The following C9orf43 variants were observed in gnomAD, a reference collection of about 807,000 sequenced individuals.
The protein encoded by C9orf43 is uncharacterized protein C9orf43.
A neutral mutation model predicts 59.1 loss-of-function variants in C9orf43; 45 were observed. The ratio of observed to expected loss-of-function variants is 0.76; its 90% CI spans 0.60 to 0.98. The LOEUF (loss-of-function observed/expected upper bound fraction) is 0.98, where lower values mean the gene tolerates loss of function less well. C9orf43 is among the 50% of genes least tolerant of loss of function. C9orf43 has a pLI of 0.00. For missense variants in C9orf43, 533 were observed against 554.9 expected (o/e 0.96, Z 0.40); for synonymous variants, 203 against 196.8 (o/e 1.03, Z -0.26).
chr9:113,423,408 CA>C lies in C9orf43; in HGVS notation c.568del (p.Thr190ProfsTer28). The C allele has an allele frequency of 3.1e-6, 5 of 1,614,164 alleles. No individual in the cohort carries two copies. Among genetic ancestry groups the C allele is most frequent in the Non-Finnish European group, 4.2e-6 (5 of 1,179,990 alleles). On this transcript the variant is annotated frameshift_variant, in exon 7 of 14. Coordinates refer to ENST00000374165, the MANE Select transcript of C9orf43 (RefSeq NM_001278629.2). LOFTEE classifies it high-confidence loss of function. ...ACACCAGGGATGATCGTGCCTCCCCCAACCCCAGTGCAATTGTCTGAACAAT... is the reference window on the plus strand; with the variant it reads ...ACACCAGGGATGATCGTGCCTCCCCCACCCCAGTGCAATTGTCTGAACAAT... ...VGTPGMIVPP[P>X]TPVQLSEQFS...
chr9:113,426,872 G>A (rs893123513), intron 11 of C9orf43, among the ~76,000 whole-genome samples: 2 of 152,192 alleles, frequency 1.3e-5, no homozygotes, highest in African/African-American at 2.4e-5. Flanking sequence ...GTTGAGAAAG[G>A]CTTTATGGAA....
chr9:113,411,105 G>A (rs1235547044), intron 1 of C9orf43, 104 bp downstream of exon 1: 2 of 985,310 alleles, frequency 2.0e-6, no homozygotes, highest in Non-Finnish European at 2.4e-6. Flanking sequence ...AGATGCGCCT[G>A]ATTAGGTCTC....
rs1447220099 is a variant in C9orf43, at chr9:113,429,158, G to A, written c.1172-14G>A. 2 of 1,611,284 alleles carry A rather than the reference G, an allele frequency of 1.2e-6. No homozygotes were observed. The highest frequency in any genetic ancestry group is 1.3e-5 in the African/African-American group (1 of 74,934). On this transcript the variant is annotated splice_polypyrimidine_tract_variant and intron_variant, in intron 13 of 13. Transcript: ENST00000374165. ...GAGTTTACAGGTGCAATTAATGACT[G>A]CATCTTCTTTTAGGTCCTGAATTGT... is the stretch of plus-strand genomic sequence containing the variant.
chr9:113,424,367 A>T, intron 8 of C9orf43, 51 bp downstream of exon 8: 1 of 1,537,906 alleles, frequency 6.5e-7, no homozygotes, highest in Non-Finnish European at 8.8e-7. Flanking sequence ...ATTCAAACCC[A>T]TCTCTCCTCA....
intron 4 of C9orf43, 64 bp from the exon 5 acceptor site, chr9:113,421,039 T>C: frequency 3.9e-6 from 5 of 1,287,776 alleles, no homozygotes; most frequent in Non-Finnish European, 5.6e-6. Flanking sequence ...GCTTAGCATA[T>C]CCTTAATCTG....
chr9:113,411,546 G>A (rs1486914187), intron 1 of C9orf43, among the ~76,000 whole-genome samples: 2 of 152,070 alleles, frequency 1.3e-5, no homozygotes, highest in Non-Finnish European at 2.9e-5. Context: ...TGATCCGCCC[G>A]CCTCGGTCTC....
rs147140033 is a variant in C9orf43 at position 113,429,269 on chromosome 9, C to T, written c.1269C>T (p.Ser423=). The change falls in exon 14 of 14, where the codon TCC becomes TCT. Residue 423 remains serine (S), a synonymous_variant. Coordinates refer to ENST00000374165, the MANE Select transcript of C9orf43 (RefSeq NM_001278629.2). ...EAQAARQKKI[S]FNFSEIMAST... ...AGGCTGCCAGGCAAAAGAAGATCTC[C>T]TTTAACTTTTCAGAAATTATGGCTA... 6.2e-6 allele frequency: 10 copies of T among 1,614,136 alleles called. No individual in the cohort carries two copies. The African/African-American group carries it at 1.1e-4, about 17-fold the overall frequency.
In C9orf43 at chr9:113,425,059, A is replaced by G. The variant is rs774951478; in HGVS notation, c.848A>G (p.His283Arg). ...LRYPERLKKL[H>R]NLKTEGYRKQ... ...TATCCTGAACGTTTGAAGAAATTAC[A>G]TAACCTGAAGACAGAAGGTAGATTT... Residue 283 changes from histidine to arginine, a missense_variant, in exon 9 of 14, where the codon CAT becomes CGT. Physicochemically the swap from His to Arg is conservative, Grantham distance 29. Transcript: ENST00000374165. The G allele has an allele frequency of 9.9e-6, 16 of 1,613,276 alleles. No homozygotes were observed. Among genetic ancestry groups the G allele is most frequent in the South Asian group, 7.7e-5 (7 of 91,090 alleles).
chr9:113,425,776 G>A, intron 11 of C9orf43, 46 bp downstream of exon 11: 1 of 1,467,076 alleles, frequency 6.8e-7, no homozygotes, highest in Non-Finnish European at 9.6e-7. Context: ...ATCCCTGAGG[G>A]GTAGGTATCT....
intron 12 of C9orf43, 104 bp from the exon 13 acceptor site, chr9:113,428,796 C>T (rs1281588826): frequency 2.0e-6 from 2 of 1,005,480 alleles, no homozygotes; most frequent in Non-Finnish European, 1.6e-6. Flanking sequence ...GGGTCTCTGG[C>T]TCATCTTAGA....
chr9:113,425,231 C>T (rs1182103912), intron 9 of C9orf43, 113 bp from the exon 10 acceptor site: 4 of 1,528,782 alleles, frequency 2.6e-6, no homozygotes, highest in Non-Finnish European at 3.6e-6. Context: ...GAAGCAGCCC[C>T]TCTGGCTTGG....
At chr9:113,425,812 C>G in intron 11 of C9orf43, 82 bp downstream of exon 11, 1 of 1,136,104 alleles carries the variant, frequency 8.8e-7, no homozygotes, top group Non-Finnish European at 1.3e-6. Flanking sequence ...TAAACATGCT[C>G]TTGTCATTTT....
chr9:113,411,971 A>G (rs911681262), intron 1 of C9orf43, among the ~76,000 whole-genome samples: 2 of 152,216 alleles, frequency 1.3e-5, no homozygotes, highest in Non-Finnish European at 2.9e-5. Context: ...CACGGCGCCC[A>G]GCCTCCCACT....
At chr9:113,423,550 A>G (rs1828671785) in intron 7 of C9orf43, 52 bp downstream of exon 7, 1 of 1,561,010 alleles carries the variant, frequency 6.4e-7, no homozygotes, top group South Asian at 1.1e-5. Flanking sequence ...TTTTTACTGA[A>G]GCTGGGATGG....
chr9:113,424,294 C>A lies in C9orf43; in HGVS notation c.785C>A (p.Ser262Tyr). 1 of 1,613,138 alleles carries A rather than the reference C, an allele frequency of 6.2e-7. No individual in the cohort carries two copies. Among genetic ancestry groups the A allele is most frequent in the South Asian group, 1.1e-5 (1 of 90,934 alleles). ...DSVISSKMFL[S>Y]IHRLTLERPA... ...GTGATTTCTTCTAAGATGTTTCTAT[C>A]TATACACCGCCTCACCCTGGAAGTA... The change falls in exon 8 of 14, where the codon TCT (serine) becomes TAT (tyrosine). Residue 262 changes from serine to tyrosine, a missense_variant. Coordinates refer to ENST00000374165, the MANE Select transcript of C9orf43 (RefSeq NM_001278629.2).
intron 8 of C9orf43, 74 bp downstream of exon 8, chr9:113,424,390 T>G (rs942270372): frequency 2.0e-6 from 3 of 1,468,786 alleles, no homozygotes; most frequent in Admixed American, 4.3e-5. Context: ...TCTGGAAGAG[T>G]TGACATTCTA....
At position 113,420,668 on chromosome 9, in the gene C9orf43, A is replaced by G. The variant is rs1252164733; in HGVS notation, c.346-435A>G. On this transcript the variant is annotated intron_variant, in intron 4 of 13. Coordinates refer to ENST00000374165, the MANE Select transcript of C9orf43 (RefSeq NM_001278629.2). ...GCCTTTGACTTTTATATAAATGCCT[A>G]TAATTGTAGTCAGACTGTAAAAGAA... 21 of 665,604 alleles carry G rather than the reference A, an allele frequency of 3.2e-5. No individual in the cohort carries two copies. In the Admixed American group the frequency reaches 1.1e-3, roughly 34 times the overall value. The allele number at this position is 665,604 out of a possible 1,614,324, so 41.2% of individuals were successfully genotyped here.
Position 113,425,345 on chromosome 9 carries a change from T to A in C9orf43, c.867T>A (p.Gly289=). ...TCAAGCTGGCTCTCTGGTCACCAGG[T>A]TACAGGAAACAGCAGCAGCGGCAGC... ...LKKLHNLKTE[G]YRKQQQRQQQ... is the part of the protein sequence containing the mutation. The change falls in exon 10 of 14, where the codon GGT becomes GGA. Residue 289 remains glycine, a splice_region_variant and synonymous_variant. Transcript: ENST00000374165. The A allele has an allele frequency of 6.2e-7, 1 of 1,613,538 alleles. No homozygotes were observed. Among genetic ancestry groups the A allele is most frequent in the Non-Finnish European group, 8.5e-7 (1 of 1,179,868 alleles).
intron 5 of C9orf43, among the ~76,000 whole-genome samples, chr9:113,422,105 C>G (rs946835864): frequency 6.6e-5 from 10 of 151,958 alleles, no homozygotes; most frequent in African/African-American, 2.4e-4. Flanking sequence ...AGGAAGAGGT[C>G]AGAGCAAAAA....
Sources: allele counts gnomAD v4.1 joint callset (sites outside exome capture counted in the v4.1 genomes callset), GRCh38; gene constraint gnomAD v4.1.1; transcripts MANE v1.5; gene names NCBI Gene and HGNC (gene_info 2026-07-23, HGNC 2026-07-21).